The following CDH4 variants were observed in gnomAD, a reference collection of about 807,000 sequenced individuals.
The protein encoded by CDH4 is cadherin 4, also known as cadherin-4.
Under a neutral mutation model 86.0 loss-of-function variants are expected in CDH4, and 33 were observed. The ratio of observed to expected loss-of-function variants is 0.38; its 90% CI spans 0.29 to 0.51. The LOEUF (loss-of-function observed/expected upper bound fraction) is 0.51. Ranked by LOEUF, CDH4 falls within the 20% of genes least tolerant of loss-of-function variation. CDH4 has a pLI of 0.86. For synonymous variants in CDH4, 555 were observed against 549.4 expected (o/e 1.01, Z -0.14); for missense variants, 1,114 against 1,307.4 (o/e 0.85, Z 2.28).
intron 2 of CDH4, among the ~76,000 whole-genome samples, chr20:61,565,267 T>TCCTCTTGGTGATGGGGTGATGGTGGTGGC (rs2086275517): frequency 9.4e-6 from 1 of 106,006 alleles, no homozygotes; most frequent in Non-Finnish European, 2.1e-5. Context: ...ATGGTGGTGG[T>TCCTCTTGGTGATGGGGTGATGGTGGTGGC]GGTCCTCTTG....
At chr20:61,795,090 A>ATGTTGATGATGG (rs1449820116) in intron 4 of CDH4, among the ~76,000 whole-genome samples, 14 of 110,816 alleles carry the variant, frequency 1.3e-4, no homozygotes, top group African/African-American at 3.6e-4. Flanking sequence ...GATGATGTTG[A>ATGTTGATGATGG]TGGTAATGAT....
intron 2 of CDH4, among the ~76,000 whole-genome samples, chr20:61,713,900 C>T (rs978401872): frequency 1.3e-5 from 2 of 152,176 alleles, no homozygotes; most frequent in African/African-American, 4.8e-5. Context: ...CCCCCATGCT[C>T]AGCTTTCCCC....
At chr20:61,434,493 C>T (rs905433868) in intron 2 of CDH4, 20 of 152,112 alleles carry the variant, frequency 1.3e-4, no homozygotes, top group African/African-American at 4.6e-4. Flanking sequence ...GATCGGGTTG[C>T]ATTAGAGGCG....
chr20:61,640,408 G>A (rs2086993219), intron 2 of CDH4, among the ~76,000 whole-genome samples: 1 of 152,234 alleles, frequency 6.6e-6, no homozygotes, highest in African/African-American at 2.4e-5. Flanking sequence ...CAGAAGACAA[G>A]CATGCAAGTA....
intron 2 of CDH4, among the ~76,000 whole-genome samples, chr20:61,354,688 C>T (rs1039478366): frequency 1.2e-4 from 19 of 152,220 alleles, no homozygotes; most frequent in African/African-American, 4.1e-4. Flanking sequence ...CGTGGCTGAC[C>T]GGGGCCTGCC....
intron 2 of CDH4, among the ~76,000 whole-genome samples, chr20:61,341,524 C>CTTTTTTTTTT (rs561277730): frequency 1.5e-5 from 2 of 133,228 alleles, no homozygotes; most frequent in Non-Finnish European, 1.6e-5. Context: ...ACTTTTTTTT[C>CTTTTTTTTTT]TTTTTTTTTT....
chr20:61,897,194 G>C (rs1014947211), intron 8 of CDH4, among the ~76,000 whole-genome samples: 2 of 152,138 alleles, frequency 1.3e-5, no homozygotes, highest in Non-Finnish European at 2.9e-5. Context: ...ACGTTGGGGG[G>C]CAGAAGATAA....
rs2088376654 is a variant in CDH4 at position 61,743,865 on chromosome 20, T to A, written c.396+76T>A. On this transcript the variant is annotated intron_variant, in intron 3 of 15. Transcript: ENST00000614565. ...TCCTGCAGGCCCTGGGCAGAGCCTC[T>A]GCCAGGGCTCCCACAGGACAGACAG... 73 of 1,129,314 alleles carry A rather than the reference T, an allele frequency of 6.5e-5. 1 individual carries two copies. The South Asian group carries it at 9.3e-4, about 14-fold the overall frequency. 70.0% of individuals were successfully genotyped at this position (1,129,314 alleles called of 1,614,324 possible).
In CDH4 at chr20:61,371,794, A is replaced by G. The variant is rs1052841369; in HGVS notation, c.169+116857A>G. On this transcript the variant is annotated intron_variant, in intron 2 of 15. Transcript: ENST00000614565. ...CGAAGGCTCGAGTCCAGAACGGGCAAGAGTGTGCTGGTGCACATCTTGAAG... is the reference window on the plus strand; with the variant it reads ...CGAAGGCTCGAGTCCAGAACGGGCAGGAGTGTGCTGGTGCACATCTTGAAG... Among the ~76,000 whole-genome samples, 5 of 152,270 alleles carry G rather than the reference A, an allele frequency of 3.3e-5. No individual in the cohort carries two copies. The South Asian group carries it at 1.0e-3, about 31-fold the overall frequency.
intron 2 of CDH4, chr20:61,370,624 A>G (rs1018173367): frequency 1.3e-5 from 2 of 152,252 alleles, no homozygotes; most frequent in African/African-American, 2.4e-5. Context: ...AAGGGAAGAC[A>G]TATCATTCCA....
intron 2 of CDH4, among the ~76,000 whole-genome samples, chr20:61,487,683 C>T (rs746633379): frequency 6.6e-6 from 1 of 152,164 alleles, no homozygotes; most frequent in Non-Finnish European, 1.5e-5. Flanking sequence ...TTGTACTAGA[C>T]CCTCAATTTT....
At chr20:61,933,168 C>G (rs1600791997) in intron 14 of CDH4, 44 bp downstream of exon 14, 2 of 1,598,160 alleles carry the variant, frequency 1.3e-6, no homozygotes, top group Non-Finnish European at 1.7e-6. Context: ...GAGGCCGGCT[C>G]TCACGTGTAC....
chr20:61,897,147 C>T (rs1235640081), intron 8 of CDH4, among the ~76,000 whole-genome samples: 1 of 152,180 alleles, frequency 6.6e-6, no homozygotes, highest in Non-Finnish European at 1.5e-5. Flanking sequence ...CTCTGTGTCC[C>T]CATGAACGAA....
chr20:61,919,184 T>C (rs1271482694), intron 9 of CDH4, among the ~76,000 whole-genome samples: 1 of 152,192 alleles, frequency 6.6e-6, no homozygotes, highest in Non-Finnish European at 1.5e-5. Context: ...TTGATGTGAT[T>C]TTTAAATTTC....
intron 4 of CDH4, among the ~76,000 whole-genome samples, chr20:61,827,318 C>T (rs1418427516): frequency 6.6e-6 from 1 of 152,104 alleles, no homozygotes; most frequent in African/African-American, 2.4e-5. Context: ...TTACATATTC[C>T]TGGTGGGATA....
intron 2 of CDH4, among the ~76,000 whole-genome samples, chr20:61,451,122 GC>G (rs11313145): frequency 0.042 from 4,247 of 100,634 alleles, 193 homozygotes; most frequent in African/African-American, 0.13. Context: ...TCCCTCTCAC[GC>G]CCCCCCCCTT....
At position 61,383,388 on chromosome 20, in the gene CDH4, A is replaced by AATATATGATATATATGAATATATATGAT. The variant is rs2084921058; in HGVS notation, c.169+128467_169+128494dup. On this transcript the variant is annotated intron_variant, in intron 2 of 15. Transcript: ENST00000614565. ...ATATGAATATATATGGATATATATG[A>AATATATGATATATATGAATATATATGAT]ATATATGATATATATGAATATATAT... is the stretch of plus-strand genomic sequence containing the variant. Among the ~76,000 whole-genome samples the AATATATGATATATATGAATATATATGAT allele has an allele frequency of 9.1e-5, 6 of 66,214 alleles. No individual in the cohort carries two copies. The East Asian group carries it at 1.7e-3, about 18-fold the overall frequency. 43.4% of individuals were successfully genotyped at this position (66,214 alleles called of 152,430 possible). A position where few individuals can be genotyped will look rare whatever the true frequency, so the allele number is the denominator to read the frequency against.
At chr20:61,919,913 T>C (rs2054949204) in intron 9 of CDH4, among the ~76,000 whole-genome samples, 1 of 124,240 alleles carries the variant, frequency 8.0e-6, no homozygotes, top group Admixed American at 7.9e-5. Flanking sequence ...GTATCGTGAT[T>C]ATGTGGAAGC....
chr20:61,286,792 T>G (rs964592716), intron 2 of CDH4, among the ~76,000 whole-genome samples: 1 of 152,244 alleles, frequency 6.6e-6, no homozygotes, highest in African/African-American at 2.4e-5. Context: ...TCTGTTCCTA[T>G]TCTGTGAGCA....
Sources: gnomAD v4.1 joint callset for allele counts (sites outside exome capture counted in the v4.1 genomes callset) on GRCh38, gnomAD v4.1.1 for gene constraint, MANE v1.5 for transcripts, NCBI Gene and HGNC (gene_info 2026-07-23, HGNC 2026-07-21) for gene names.